The following NLGN1 variants were observed in gnomAD, a reference collection of about 807,000 sequenced individuals.
The protein encoded by NLGN1 is neuroligin-1.
In NLGN1, 12 loss-of-function variants were observed where a neutral mutation model predicts 65.5. That is an observed-to-expected ratio of 0.18 (90% confidence interval 0.12 to 0.30). NLGN1 has a LOEUF of 0.30. NLGN1 is among the 10% of genes least tolerant of loss of function. The pLI, the probability that NLGN1 is intolerant of heterozygous loss-of-function variation, is 1.00. For synonymous variants in NLGN1, 350 were observed against 359.5 expected (o/e 0.97, Z 0.30); for missense variants, 750 against 1,007.1 (o/e 0.74, Z 3.46).
chr3:174,227,732 A>C (rs1224415817), intron 4 of NLGN1, among the ~76,000 whole-genome samples: 2 of 152,128 alleles, frequency 1.3e-5, no homozygotes, highest in Non-Finnish European at 1.5e-5. Flanking sequence ...CTAGATTTCC[A>C]AAAATCTTTC....
intron 4 of NLGN1, among the ~76,000 whole-genome samples, chr3:174,270,125 C>CTTTTTTT (rs10547985): frequency 1.7e-5 from 2 of 120,086 alleles, no homozygotes; most frequent in African/African-American, 3.1e-5. Flanking sequence ...GGTTTCCTTT[C>CTTTTTTT]TTTTTTTTTT....
intron 4 of NLGN1, among the ~76,000 whole-genome samples, chr3:173,944,014 A>G (rs1449513661): frequency 6.6e-6 from 1 of 152,224 alleles, no homozygotes; most frequent in Non-Finnish European, 1.5e-5. Flanking sequence ...ACAGACATGT[A>G]CAAATGTGCC....
chr3:174,273,044 T>A (rs1235215819), intron 4 of NLGN1, among the ~76,000 whole-genome samples: 2 of 151,580 alleles, frequency 1.3e-5, no homozygotes, highest in African/African-American at 4.8e-5. Context: ...AACACAAAGC[T>A]ATTTGACTAA....
intron 4 of NLGN1, among the ~76,000 whole-genome samples, chr3:173,863,491 G>A (rs113837547): frequency 3.3e-5 from 5 of 152,176 alleles, no homozygotes; most frequent in South Asian, 2.1e-4. Flanking sequence ...TTTAGTGTGC[G>A]TATATAATGG....
intron 4 of NLGN1, among the ~76,000 whole-genome samples, chr3:173,890,449 A>G (rs555185390): frequency 6.6e-6 from 1 of 152,252 alleles, no homozygotes; most frequent in African/African-American, 2.4e-5. Flanking sequence ...TGGCCTTTAT[A>G]GATATTGCAT....
chr3:173,653,147 C>T (rs998190171), intron 3 of NLGN1, among the ~76,000 whole-genome samples: 3 of 152,092 alleles, frequency 2.0e-5, no homozygotes, highest in Admixed American at 1.3e-4. Context: ...TTTGCAAAGT[C>T]GTTAGGGTTT....
At chr3:173,499,282 G>A (rs6771960) in intron 2 of NLGN1, among the ~76,000 whole-genome samples, 72,166 of 151,410 alleles carry the variant, frequency 0.48, 19,843 homozygotes, top group East Asian at 0.81. Flanking sequence ...TGGCTAGCCA[G>A]TTTTCCCAGC....
At chr3:174,220,004 T>C (rs1738341659) in intron 4 of NLGN1, among the ~76,000 whole-genome samples, 1 of 151,968 alleles carries the variant, frequency 6.6e-6, no homozygotes, top group Non-Finnish European at 1.5e-5. Flanking sequence ...ATGAAGACTG[T>C]AGTGGGAAGG....
chr3:173,424,706 G>T (rs73047958), intron 1 of NLGN1, among the ~76,000 whole-genome samples: 3,220 of 152,194 alleles, frequency 0.021, 106 homozygotes, highest in African/African-American at 0.073. Flanking sequence ...ATCTCCTTCT[G>T]AGACCACCTC....
intron 3 of NLGN1, among the ~76,000 whole-genome samples, chr3:173,793,940 G>T (rs1397569258): frequency 2.0e-5 from 3 of 152,050 alleles, no homozygotes; most frequent in Admixed American, 6.6e-5. Flanking sequence ...AGCTGAAGGG[G>T]CTGTGTGTTC....
chr3:173,482,817 T>G (rs1478107441), intron 2 of NLGN1, among the ~76,000 whole-genome samples: 2 of 152,006 alleles, frequency 1.3e-5, no homozygotes, highest in Non-Finnish European at 2.9e-5. Flanking sequence ...CCTAAAACTG[T>G]AGGCAGACAA....
intron 3 of NLGN1, among the ~76,000 whole-genome samples, chr3:173,713,794 C>A (rs1415538108): frequency 1.3e-5 from 2 of 152,068 alleles, no homozygotes; most frequent in Non-Finnish European, 2.9e-5. Context: ...ATAAGCATAG[C>A]TGTTACATGT....
chr3:173,828,264 A>G (rs1721766586), intron 4 of NLGN1, among the ~76,000 whole-genome samples: 1 of 152,126 alleles, frequency 6.6e-6, no homozygotes, highest in South Asian at 2.1e-4. Flanking sequence ...TTGACCATGC[A>G]GATTTCTTTC....
At chr3:173,398,703 A>G (rs1717073410) in intron 1 of NLGN1, among the ~76,000 whole-genome samples, 1 of 152,232 alleles carries the variant, frequency 6.6e-6, no homozygotes, top group African/African-American at 2.4e-5. Context: ...ATAGTGATAC[A>G]TATAACACTT....
Position 173,928,673 on chromosome 3 carries a change from T to A in NLGN1, c.646+120841T>A, listed in dbSNP as rs1743470294. ...CTCACAATAGATTAGACATAGTTAA[T>A]TTTTTTTTTTTTTTTTTTGAGATAG... On this transcript the variant is annotated intron_variant, in intron 4 of 6. Transcript: ENST00000457714. Among the ~76,000 whole-genome samples, 3 of 63,382 alleles carry A rather than the reference T, an allele frequency of 4.7e-5. No homozygotes were observed. The South Asian group carries it at 1.3e-3, about 28-fold the overall frequency. 41.6% of individuals were successfully genotyped at this position (63,382 alleles called of 152,430 possible). A position where few individuals can be genotyped will look rare whatever the true frequency, so the allele number is the denominator to read the frequency against.
rs1739916448 is a variant in NLGN1, at chr3:173,546,744, G to A, written c.-320-57535G>A. Among the ~76,000 whole-genome samples the A allele has an allele frequency of 2.0e-5, 3 of 152,136 alleles. No homozygotes were observed. The South Asian group carries it at 6.2e-4, about 31-fold the overall frequency. On this transcript the variant is annotated intron_variant, in intron 2 of 6. Coordinates refer to ENST00000457714, the Ensembl canonical transcript of NLGN1. ...AACTGATAATGAAATGATAACAACT[G>A]TCAAGAATCATTCCTTTACACAGGC...
At chr3:174,274,148 A>G (rs893874217) in intron 4 of NLGN1, among the ~76,000 whole-genome samples, 10 of 151,502 alleles carry the variant, frequency 6.6e-5, no homozygotes, top group African/African-American at 2.2e-4. Context: ...AATATAATCA[A>G]TTTATATCTA....
intron 4 of NLGN1, among the ~76,000 whole-genome samples, chr3:173,943,431 G>C (rs1292392492): frequency 3.9e-5 from 6 of 152,074 alleles, no homozygotes; most frequent in Admixed American, 2.6e-4. Context: ...CTCTCACCTA[G>C]AAAACAAGTG....
At chr3:173,824,891 A>C (rs1002516436) in intron 4 of NLGN1, among the ~76,000 whole-genome samples, 1 of 152,074 alleles carries the variant, frequency 6.6e-6, no homozygotes, top group Non-Finnish European at 1.5e-5. Flanking sequence ...TATCTAATGG[A>C]AGTAACTAGA....
Sources: gnomAD v4.1 joint callset for allele counts (sites outside exome capture counted in the v4.1 genomes callset) on GRCh38, gnomAD v4.1.1 for gene constraint, MANE v1.5 for transcripts, NCBI Gene and HGNC (gene_info 2026-07-23, HGNC 2026-07-21) for gene names.